RAD51B: variants seen among roughly 807,000 people sequenced by gnomAD.
RAD51B encodes RAD51 paralog B.
In RAD51B, 38 loss-of-function variants were observed where a neutral mutation model predicts 42.2. That is an observed-to-expected ratio of 0.90 (90% confidence interval 0.70 to 1.18). The LOEUF is 1.18. Among genes scored for constraint, RAD51B ranks in the 50% most tolerant of loss-of-function variants. The probability of loss-of-function intolerance (pLI) is 0.00; values close to 1 mark genes in which losing one functional copy is unlikely to be tolerated. For synonymous variants in RAD51B, 154 were observed against 145.2 expected (o/e 1.06, Z -0.43); for missense variants, 373 against 400.7 (o/e 0.93, Z 0.59).
intron 3 of RAD51B, among the ~76,000 whole-genome samples, chr14:67,830,036 G>A (rs779844855): frequency 3.7e-4 from 56 of 152,130 alleles, no homozygotes; most frequent in Admixed American, 3.3e-4. Context: ...GTTATTGGGC[G>A]TTGGGTATAA....
chr14:67,889,079 C>A (rs537196132), intron 7 of RAD51B, among the ~76,000 whole-genome samples: 1 of 151,726 alleles, frequency 6.6e-6, no homozygotes, highest in African/African-American at 2.4e-5. Flanking sequence ...TTAATAGAAC[C>A]CTCTGAAAAA....
intron 4 of RAD51B, among the ~76,000 whole-genome samples, chr14:67,835,425 T>G (rs2041203926): frequency 6.6e-6 from 1 of 152,144 alleles, no homozygotes; most frequent in Non-Finnish European, 1.5e-5. Context: ...GGTTGCTGTT[T>G]CATTGAGTTA....
chr14:67,970,789 C>T (rs572913205), intron 7 of RAD51B, among the ~76,000 whole-genome samples: 4 of 152,034 alleles, frequency 2.6e-5, no homozygotes, highest in Admixed American at 2.6e-4. Flanking sequence ...AATTTTTTCT[C>T]TTTAAAGGAA....
intron 7 of RAD51B, among the ~76,000 whole-genome samples, chr14:67,935,229 A>AT (rs1263732097): frequency 1.1e-4 from 16 of 152,128 alleles, no homozygotes; most frequent in Non-Finnish European, 1.6e-4. Context: ...ATCCTTTAAG[A>AT]TTTTTTTTAC....
At chr14:68,607,532 G>T (rs575412557) in intron 10 of RAD51B, among the ~76,000 whole-genome samples, 3 of 152,100 alleles carry the variant, frequency 2.0e-5, no homozygotes, top group African/African-American at 7.2e-5. Context: ...GCCCACGTCC[G>T]CCCTTTTCTG....
intron 7 of RAD51B, among the ~76,000 whole-genome samples, chr14:67,978,730 TTAAAA>T (rs2075039246): frequency 6.6e-6 from 1 of 152,170 alleles, no homozygotes; most frequent in South Asian, 2.1e-4. Context: ...TAAAAGGAGT[TTAAAA>T]TAAAAATGAA....
intron 4 of RAD51B, among the ~76,000 whole-genome samples, chr14:67,853,563 C>A (rs140273931): frequency 6.6e-6 from 1 of 152,246 alleles, no homozygotes; most frequent in East Asian, 1.9e-4. Flanking sequence ...ATACAGGTGT[C>A]AGTGAAGGTG....
At chr14:68,359,234 T>C (rs1446469026) in intron 8 of RAD51B, among the ~76,000 whole-genome samples, 1 of 151,830 alleles carries the variant, frequency 6.6e-6, no homozygotes, top group East Asian at 1.9e-4. Flanking sequence ...GGCTACTCCA[T>C]AAGGCAGCAG....
rs117014642 is a variant in RAD51B at position 67,973,010 on chromosome 14, G to A, written c.756+85806G>A. ...TTCAGGGCATCTTATCTAAACATTC[G>A]TCTAGGGGCAGGTCTATGCTGGTTA... On this transcript the variant is annotated intron_variant, in intron 7 of 10. Coordinates refer to ENST00000471583, the MANE Select transcript of RAD51B (RefSeq NM_133510.4). 3.5e-3 allele frequency among the ~76,000 whole-genome samples: 536 copies of A among 152,156 alleles called. 1 individual carries two copies. Among genetic ancestry groups the A allele is most frequent in the Non-Finnish European group, 5.9e-3 (402 of 67,952 alleles).
chr14:68,361,397 A>G (rs933799905), intron 8 of RAD51B, among the ~76,000 whole-genome samples: 9 of 152,186 alleles, frequency 5.9e-5, no homozygotes, highest in Non-Finnish European at 1.0e-4. Context: ...TACTGAGTGA[A>G]TGAGCGGCCT....
downstream of RAD51B, among the ~76,000 whole-genome samples, chr14:68,611,988 G>T (rs1891697500): frequency 6.6e-6 from 1 of 152,180 alleles, no homozygotes; most frequent in Non-Finnish European, 1.5e-5. Context: ...TCAAAGGACT[G>T]GCTAAGTAAA....
intron 4 of RAD51B, among the ~76,000 whole-genome samples, chr14:67,859,596 AG>A (rs2042099615): frequency 6.6e-6 from 1 of 152,250 alleles, no homozygotes; most frequent in African/African-American, 2.4e-5. Flanking sequence ...CATGTGGGAC[AG>A]GAAGTTAAAC....
intron 7 of RAD51B, among the ~76,000 whole-genome samples, chr14:68,091,613 A>T (rs1441891171): frequency 6.6e-6 from 1 of 152,052 alleles, no homozygotes; most frequent in Non-Finnish European, 1.5e-5. Flanking sequence ...TTGTCAGATG[A>T]GTAGATTGCA....
chr14:68,677,374 C>A (rs1893332695), intron 11 of RAD51B, among the ~76,000 whole-genome samples: 1 of 152,162 alleles, frequency 6.6e-6, no homozygotes, highest in Non-Finnish European at 1.5e-5. Context: ...CCGGCCCGGG[C>A]CTCTTCACAT....
intron 10 of RAD51B, among the ~76,000 whole-genome samples, chr14:68,476,232 C>T (rs1014138039): frequency 3.3e-5 from 5 of 152,202 alleles, no homozygotes; most frequent in East Asian, 1.9e-4. Context: ...CTTGAGAGTA[C>T]GTGGGACTTG....
At chr14:68,255,006 T>C (rs2080722873) in intron 7 of RAD51B, among the ~76,000 whole-genome samples, 1 of 152,220 alleles carries the variant, frequency 6.6e-6, no homozygotes, top group Non-Finnish European at 1.5e-5. Context: ...ATTCTCTTTT[T>C]CTCCATCTCC....
intron 10 of RAD51B, among the ~76,000 whole-genome samples, chr14:68,582,722 T>C (rs1023525033): frequency 2.6e-5 from 4 of 152,240 alleles, no homozygotes; most frequent in African/African-American, 4.8e-5. Flanking sequence ...ATTGTGGCAC[T>C]GTTCACAATA....
chr14:68,246,024 C>G (rs1287484869), intron 7 of RAD51B, among the ~76,000 whole-genome samples: 4 of 152,008 alleles, frequency 2.6e-5, no homozygotes, highest in Admixed American at 2.6e-4. Flanking sequence ...AGACAAGGCC[C>G]CTCCTTTTAA....
At chr14:68,429,103 C>T (rs551048439) in intron 9 of RAD51B, among the ~76,000 whole-genome samples, 12 of 152,172 alleles carry the variant, frequency 7.9e-5, no homozygotes, top group African/African-American at 2.7e-4. Flanking sequence ...TTTATGGCTG[C>T]GTAGTATTCC....
Sources: allele counts gnomAD v4.1 joint callset (sites outside exome capture counted in the v4.1 genomes callset), GRCh38; gene constraint gnomAD v4.1.1; transcripts MANE v1.5; gene names NCBI Gene and HGNC (gene_info 2026-07-23, HGNC 2026-07-21).